The following CFAP47 variants were observed in gnomAD, a reference collection of about 807,000 sequenced individuals.
CFAP47 encodes cilia and flagella associated protein 47.
Under a neutral mutation model 148.1 loss-of-function variants are expected in CFAP47, and 29 were observed. The ratio of observed to expected loss-of-function variants is 0.20; its 90% CI spans 0.15 to 0.27. CFAP47 has a LOEUF of 0.27. CFAP47 is among the 10% of genes least tolerant of loss of function. CFAP47 has a pLI of 1.00. For synonymous variants in CFAP47, 664 were observed against 577.3 expected, an observed-to-expected ratio of 1.15 and a Z score of -2.15; for missense variants, 1,872 against 1,697.5, an observed-to-expected ratio of 1.10 and a Z score of -1.81.
At chrX:36,187,095 C>T (rs1367023871) in intron 40 of CFAP47, among the ~76,000 whole-genome samples, 1 of 111,845 alleles carries the variant, frequency 8.9e-6, no homozygotes, top group Non-Finnish European at 1.9e-5. Context: ...AAACATTCAT[C>T]AGGTAAAATA....
rs782077195 is a variant in CFAP47 at position 36,211,032 on chromosome X, T to A, written c.6817+5922T>A. 3 of 129,342 alleles carry A rather than the reference T, an allele frequency of 2.3e-5. No homozygotes were observed. In the East Asian group the frequency reaches 7.0e-4, roughly 30 times the overall value. 10.7% of individuals were successfully genotyped at this position (129,342 alleles called of 1,213,427 possible). A position where few individuals can be genotyped will look rare whatever the true frequency, so the allele number is the denominator to read the frequency against. On this transcript the variant is annotated intron_variant, in intron 45 of 63. Transcript: ENST00000378653. The stretch of plus-strand genomic sequence containing the variant: ...TCACAGCCATTGCAGTACATTGATC[T>A]CCATAGAGACAGTGCCAGGGCAGGT...
Position 35,973,348 on chromosome X carries a change from C to T in CFAP47, c.2254+1383C>T, listed in dbSNP as rs778369062. On this transcript the variant is annotated intron_variant, in intron 13 of 63. Coordinates refer to ENST00000378653, the MANE Select transcript of CFAP47 (RefSeq NM_001304548.2). ...GGGACTACAGGCATCCGCCACCACA[C>T]CTGGCTAATTTTTTGTATTTTTAGT... is the stretch of plus-strand genomic sequence containing the variant. Among the ~76,000 whole-genome samples, 3 of 110,622 alleles carry T rather than the reference C, an allele frequency of 2.7e-5. No homozygotes were observed. In the South Asian group the frequency reaches 1.2e-3, roughly 43 times the overall value.
At chrX:35,957,207 CAA>C (rs371147219) in intron 8 of CFAP47, among the ~76,000 whole-genome samples, 20 of 33,669 alleles carry the variant, frequency 5.9e-4, no homozygotes, top group African/African-American at 9.3e-4. Flanking sequence ...GACTCCATCT[CAA>C]AAAAAAAAAA....
At chrX:36,299,207 T>A in intron 52 of CFAP47, 55 bp downstream of exon 52, 2 of 751,824 alleles carry the variant, frequency 2.7e-6, no homozygotes, top group Non-Finnish European at 3.6e-6. Flanking sequence ...AATTAACCTT[T>A]AAAATTTATT....
chrX:35,951,883 T>C lies in CFAP47; in HGVS notation c.966T>C (p.Thr322=). The part of the protein sequence containing the change: ...YIRKIKNIDT[T]IIISCLPNEG... ...GAAAAATAAAGAACATAGATACTAC[T>C]ATCATTATCTCCTGTCTTCCTAATG... is the stretch of plus-strand genomic sequence containing the variant. The change falls in exon 6 of 64, where the codon ACT becomes ACC. Residue 322 remains threonine, a synonymous_variant. Transcript: ENST00000378653. 8.5e-7 allele frequency: 1 copy of C among 1,176,897 alleles called. No homozygotes were observed.
intron 36 of CFAP47, among the ~76,000 whole-genome samples, chrX:36,146,154 T>C: frequency 8.9e-6 from 1 of 112,019 alleles, no homozygotes; most frequent in Middle Eastern, 4.7e-3. Flanking sequence ...ATTTTTGACT[T>C]CAAAATAACA....
rs1939808579 is a variant in CFAP47, at chrX:36,186,506, T to C, written c.6105-2114T>C. Among the ~76,000 whole-genome samples the C allele has an allele frequency of 2.7e-5, 3 of 112,085 alleles. No individual in the cohort carries two copies. In the South Asian group the frequency reaches 1.1e-3, roughly 41 times the overall value. ...CTAGTTTTCATGATGCATGTGGCAT[T>C]CAAAGGGCATGATGCATCAAAACTA... On this transcript the variant is annotated intron_variant, in intron 40 of 63. Transcript: ENST00000378653.
intron 2 of CFAP47, among the ~76,000 whole-genome samples, chrX:35,932,291 T>C (rs190751325): frequency 0.032 from 3,282 of 101,052 alleles, 176 homozygotes; most frequent in African/African-American, 0.11. Flanking sequence ...ATGGAGTCTC[T>C]CTCTGTTGCC....
chrX:36,295,153 G>A (rs782023570), intron 51 of CFAP47, among the ~76,000 whole-genome samples: 4 of 112,126 alleles, frequency 3.6e-5, no homozygotes, highest in African/African-American at 9.7e-5. Context: ...CGAAAAGAGC[G>A]CATGTGAAGA....
intron 13 of CFAP47, among the ~76,000 whole-genome samples, chrX:35,972,681 G>A (rs192038146): frequency 3.9e-4 from 44 of 111,607 alleles, no homozygotes; most frequent in Non-Finnish European, 2.1e-4. Flanking sequence ...GTTCACCCAC[G>A]TGGTAGGTAG....
At chrX:35,924,912 A>G (rs1935712668) in intron 1 of CFAP47, among the ~76,000 whole-genome samples, 1 of 111,566 alleles carries the variant, frequency 9.0e-6, no homozygotes, top group Admixed American at 9.5e-5. Context: ...TGAAATATAA[A>G]AATTCAGACT....
intron 49 of CFAP47, among the ~76,000 whole-genome samples, chrX:36,267,241 A>G (rs1398713628): frequency 9.0e-6 from 1 of 111,571 alleles, no homozygotes; most frequent in Non-Finnish European, 1.9e-5. Flanking sequence ...GACAACTTCC[A>G]AATATGATAT....
chrX:36,179,044 T>C (rs1218095895), intron 39 of CFAP47, among the ~76,000 whole-genome samples: 2 of 112,539 alleles, frequency 1.8e-5, no homozygotes, highest in African/African-American at 3.2e-5. Context: ...CCTGTTTGTT[T>C]CTGGAATATA....
rs1266584580 is a variant in CFAP47, at chrX:35,975,800, C to T, written c.2600C>T (p.Thr867Ile). 4 of 1,209,020 alleles carry T rather than the reference C, an allele frequency of 3.3e-6. No individual in the cohort carries two copies. The highest frequency in any genetic ancestry group is 4.4e-5 in the Admixed American group (2 of 45,656). The change falls in exon 15 of 64, where the codon ACA becomes ATA. Residue 867 changes from threonine to isoleucine, a missense_variant. Transcript: ENST00000378653. ...AGACCACGAGGCTTCTTCATGAAAA[C>T]ATGTTTTCGGGGGACAGTTAGATTG... The part of the protein sequence containing the change: ...VLRPRGFFMK[T>I]CFRGTVRLYN...
At chrX:36,219,046 C>A in intron 45 of CFAP47, among the ~76,000 whole-genome samples, 1 of 111,184 alleles carries the variant, frequency 9.0e-6, no homozygotes, top group Middle Eastern at 4.6e-3. Flanking sequence ...TGCTAAATGT[C>A]TTTTTTTCAG....
intron 3 of CFAP47, among the ~76,000 whole-genome samples, chrX:35,944,267 A>G (rs1191463273): frequency 9.0e-6 from 1 of 111,326 alleles, no homozygotes; most frequent in African/African-American, 3.3e-5. Context: ...TCAGTGCATA[A>G]TTCTTGTCTT....
At chrX:36,129,599 A>G (rs1021295484) in intron 33 of CFAP47, among the ~76,000 whole-genome samples, 5 of 111,493 alleles carry the variant, frequency 4.5e-5, no homozygotes, top group African/African-American at 1.6e-4. Flanking sequence ...AAGTGTTTCA[A>G]AACAAAATTC....
chrX:35,968,719 T>A (rs1435867632), intron 10 of CFAP47, among the ~76,000 whole-genome samples: 1 of 111,192 alleles, frequency 9.0e-6, no homozygotes, highest in Non-Finnish European at 1.9e-5. Context: ...TTTTCTATAG[T>A]CTATCTTATT....
chrX:36,212,074 G>A (rs1331294510), intron 45 of CFAP47, among the ~76,000 whole-genome samples: 1 of 111,659 alleles, frequency 9.0e-6, no homozygotes, highest in Admixed American at 9.5e-5. Context: ...TGTCTGTGAT[G>A]CATCTAACAC....
Sources: gnomAD v4.1 joint callset for allele counts (sites outside exome capture counted in the v4.1 genomes callset) on GRCh38, gnomAD v4.1.1 for gene constraint, MANE v1.5 for transcripts, NCBI Gene and HGNC (gene_info 2026-07-23, HGNC 2026-07-21) for gene names.